The following MYO16 variants were observed in gnomAD, a reference collection of about 807,000 sequenced individuals.
MYO16 encodes myosin XVI.
MYO16 carries 94 observed loss-of-function variants against 205.3 expected under a neutral mutation model. That is an observed-to-expected ratio of 0.46 (90% CI 0.39 to 0.54). The LOEUF (loss-of-function observed/expected upper bound fraction) is 0.54. MYO16 is among the 20% of genes least tolerant of loss of function. The pLI, the probability that MYO16 is intolerant of heterozygous loss-of-function variation, is 0.00. For missense variants in MYO16, 2,315 were observed against 2,387.5 expected (o/e 0.97, Z 0.63); for synonymous variants, 988 against 954.0 (o/e 1.04, Z -0.66).
Position 108,910,116 on chromosome 13 carries a change from T to C in MYO16, c.1891T>C (p.Tyr631His). ...LMDGLSAEEK[Y>H]GLHLNNLCAH... is the part of the protein sequence containing the mutation. Reference sequence around the variant, plus strand: ...GGATGGGTTATCTGCTGAAGAAAAATATGGACTTCATCTTAATAATTTATG... The same window carrying C: ...GGATGGGTTATCTGCTGAAGAAAAACATGGACTTCATCTTAATAATTTATG... The change falls in exon 16 of 35, where the codon TAT becomes CAT. Residue 631 changes from tyrosine (Y) to histidine (H), a missense_variant. By Grantham distance (83) the Tyr-to-His change is moderately conservative. Coordinates refer to ENST00000457511, the MANE Select transcript of MYO16 (RefSeq NM_001198950.3). The C allele has an allele frequency of 6.2e-7, 1 of 1,613,366 alleles. No individual in the cohort carries two copies. Among genetic ancestry groups the C allele is most frequent in the Non-Finnish European group, 8.5e-7 (1 of 1,179,540 alleles).
intron 2 of MYO16, among the ~76,000 whole-genome samples, chr13:108,697,725 C>CT (rs1883143208): frequency 6.6e-6 from 1 of 151,590 alleles, no homozygotes; most frequent in Admixed American, 6.6e-5. Flanking sequence ...CTTTCTTTTT[C>CT]TTTTTTCTTT....
chr13:109,079,184 G>A (rs1387147713), intron 27 of MYO16, among the ~76,000 whole-genome samples: 1 of 152,100 alleles, frequency 6.6e-6, no homozygotes, highest in East Asian at 1.9e-4. Context: ...CAGAGTTAGG[G>A]ATTAATTCAT....
chr13:108,750,892 C>T (rs1358993988), intron 4 of MYO16, among the ~76,000 whole-genome samples: 1 of 152,128 alleles, frequency 6.6e-6, no homozygotes, highest in Non-Finnish European at 1.5e-5. Context: ...CCAGCTTTCT[C>T]ATTGATGCAG....
intron 2 of MYO16, among the ~76,000 whole-genome samples, chr13:108,708,574 G>A (rs1883603091): frequency 6.6e-6 from 1 of 152,176 alleles, no homozygotes; most frequent in South Asian, 2.1e-4. Context: ...CCTCTGTCTG[G>A]AAACTGTCTT....
the MYO16 span, among the ~76,000 whole-genome samples, chr13:108,532,972 G>A: frequency 6.6e-6 from 1 of 152,122 alleles, no homozygotes; most frequent in African/African-American, 2.4e-5. Context: ...GGCCTCCACT[G>A]TGAGAAGAGA....
chr13:108,537,119 A>G, the MYO16 span, among the ~76,000 whole-genome samples: 1 of 152,070 alleles, frequency 6.6e-6, no homozygotes, highest in Non-Finnish European at 1.5e-5. Context: ...GTACCTAATA[A>G]TGAACAGAAT....
At chr13:109,018,610 ATT>A (rs1885912525) in intron 22 of MYO16, among the ~76,000 whole-genome samples, 1 of 152,170 alleles carries the variant, frequency 6.6e-6, no homozygotes, top group African/African-American at 2.4e-5. Flanking sequence ...CTCTGTAGGC[ATT>A]GGATCCGTTG....
chr13:108,791,189 A>G (rs778787025), intron 5 of MYO16, among the ~76,000 whole-genome samples: 3 of 152,226 alleles, frequency 2.0e-5, no homozygotes, highest in Admixed American at 1.3e-4. Flanking sequence ...CTAAAATGGC[A>G]TGTCCATGAT....
At chr13:108,919,121 A>T (rs977010014) in intron 16 of MYO16, among the ~76,000 whole-genome samples, 2 of 152,040 alleles carry the variant, frequency 1.3e-5, no homozygotes, top group East Asian at 3.9e-4. Flanking sequence ...TGTACTTCCT[A>T]TTTGAGCGAG....
chr13:109,121,619 A>G (rs1292634156), intron 29 of MYO16, among the ~76,000 whole-genome samples: 2 of 152,164 alleles, frequency 1.3e-5, no homozygotes, highest in Non-Finnish European at 2.9e-5. Flanking sequence ...AAACTCTTAG[A>G]TGGCTTCCTA....
At chr13:108,925,309 A>G (rs1881945782) in intron 16 of MYO16, among the ~76,000 whole-genome samples, 1 of 152,210 alleles carries the variant, frequency 6.6e-6, no homozygotes, top group South Asian at 2.1e-4. Flanking sequence ...GAGATGAACT[A>G]GAGTTAAACC....
At chr13:108,557,792 A>G in the MYO16 span, among the ~76,000 whole-genome samples, 1 of 152,186 alleles carries the variant, frequency 6.6e-6, no homozygotes, top group South Asian at 2.1e-4. Context: ...TTTTAGCACT[A>G]GATCTTTTAA....
intron 1 of MYO16, among the ~76,000 whole-genome samples, chr13:108,617,120 G>A (rs1378393145): frequency 6.6e-6 from 1 of 152,076 alleles, no homozygotes; most frequent in Non-Finnish European, 1.5e-5. Context: ...GCCACCGAGT[G>A]TGCCATTTTC....
At chr13:108,934,258 T>G (rs558368621) in intron 16 of MYO16, among the ~76,000 whole-genome samples, 3 of 152,294 alleles carry the variant, frequency 2.0e-5, no homozygotes, top group South Asian at 2.1e-4. Flanking sequence ...CAATGTCTAT[T>G]GTTTTTTGAC....
At chr13:109,178,387 T>G (rs554278113) in intron 33 of MYO16, among the ~76,000 whole-genome samples, 1 of 152,312 alleles carries the variant, frequency 6.6e-6, no homozygotes, top group South Asian at 2.1e-4. Context: ...TGGAAGGCCT[T>G]GTTGTGTGTT....
intron 15 of MYO16, among the ~76,000 whole-genome samples, chr13:108,903,103 CT>C (rs1163581612): frequency 6.6e-6 from 1 of 152,070 alleles, no homozygotes; most frequent in Non-Finnish European, 1.5e-5. Context: ...TCAAGTAACT[CT>C]TATTTTACTT....
intron 2 of MYO16, among the ~76,000 whole-genome samples, chr13:108,710,875 G>T (rs1187575437): frequency 6.6e-6 from 1 of 152,174 alleles, no homozygotes; most frequent in African/African-American, 2.4e-5. Context: ...AATATAAAAA[G>T]TCAATATTAG....
At chr13:108,524,317 A>G in the MYO16 span, among the ~76,000 whole-genome samples, 1 of 69,150 alleles carries the variant, frequency 1.4e-5, no homozygotes, top group East Asian at 3.1e-4. Flanking sequence ...AAAAAAAATA[A>G]ATAAATAAAT....
At chr13:108,866,107 T>C (rs1234912242) in intron 11 of MYO16, 70 bp from the exon 12 acceptor site, 2 of 964,972 alleles carry the variant, frequency 2.1e-6, no homozygotes, top group Non-Finnish European at 2.9e-6. Context: ...GTTTTTAAAT[T>C]GTATGATTTT....
Sources: gnomAD v4.1 joint callset for allele counts (sites outside exome capture counted in the v4.1 genomes callset) on GRCh38, gnomAD v4.1.1 for gene constraint, MANE v1.5 for transcripts, NCBI Gene and HGNC (gene_info 2026-07-23, HGNC 2026-07-21) for gene names.